TAC1: variants seen among roughly 807,000 people sequenced by gnomAD.
TAC1 encodes the protein tachykinin precursor 1.
A neutral mutation model predicts 21.7 loss-of-function variants in TAC1; 12 were observed. The observed-to-expected ratio is 0.55, with a 90% CI of 0.35 to 0.89. TAC1 has a LOEUF of 0.89. Among genes scored for constraint, TAC1 ranks in the 40% least tolerant of loss-of-function variants. The pLI, the probability that TAC1 is intolerant of heterozygous loss-of-function variation, is 0.01. For synonymous variants in TAC1, 52 were observed against 52.0 expected, an observed-to-expected ratio of 1.00 and a Z score of 0.00; for missense variants, 128 against 151.4, an observed-to-expected ratio of 0.85 and a Z score of 0.81.
At chr7:97,736,073 C>T (rs1002400025) in intron 5 of TAC1, among the ~76,000 whole-genome samples, 3 of 151,880 alleles carry the variant, frequency 2.0e-5, no homozygotes, top group Non-Finnish European at 2.9e-5. Context: ...ATAGAGAGTG[C>T]TTGCTAATAT....
At chr7:97,733,672 G>A in intron 2 of TAC1, 51 bp from the exon 3 acceptor site, 2 of 1,581,754 alleles carry the variant, frequency 1.3e-6, no homozygotes, top group Non-Finnish European at 1.7e-6. Flanking sequence ...GTTGCTGGGT[G>A]CCTCGCTCTG....
At chr7:97,735,531 C>T (rs1562784728) in intron 5 of TAC1, among the ~76,000 whole-genome samples, 1 of 152,084 alleles carries the variant, frequency 6.6e-6, no homozygotes, top group African/African-American at 2.4e-5. Flanking sequence ...TCGTATTGTC[C>T]ACTCACCTAT....
At chr7:97,738,568 C>T (rs1193218580) in intron 6 of TAC1, among the ~76,000 whole-genome samples, 1 of 152,000 alleles carries the variant, frequency 6.6e-6, no homozygotes, top group Non-Finnish European at 1.5e-5. Context: ...TTCCCTCACG[C>T]CTGTCCAGTG....
In TAC1 at chr7:97,732,951, C is replaced by T. The variant is rs1484153704; in HGVS notation, c.123+216C>T. 7 of 583,148 alleles carry T rather than the reference C, an allele frequency of 1.2e-5. No homozygotes were observed. Among genetic ancestry groups the T allele is most frequent in the South Asian group, 2.5e-5 (1 of 40,106 alleles). 36.1% of individuals were successfully genotyped at this position (583,148 alleles called of 1,614,324 possible). On this transcript the variant is annotated intron_variant, in intron 2 of 6. Coordinates refer to ENST00000319273, the MANE Select transcript of TAC1 (RefSeq NM_003182.3). This position sits in a 1 kb window ranked among gnomAD's most constrained non-coding sequence, Gnocchi z 6.2. Reference sequence around the variant, plus strand: ...GTTTCTTCCCGAGGGCTGCACCGTCCGGCCCAGGAACTCCCTGCAGTAGGG... The same window carrying T: ...GTTTCTTCCCGAGGGCTGCACCGTCTGGCCCAGGAACTCCCTGCAGTAGGG...
At chr7:97,733,150 AG>A in intron 2 of TAC1, 1 of 185,184 alleles carries the variant, frequency 5.4e-6, no homozygotes, top group African/African-American at 2.3e-5. Context: ...CGCGAGCTGC[AG>A]GGGGATTGGA....
At chr7:97,733,671 T>C in intron 2 of TAC1, 52 bp from the exon 3 acceptor site, 1 of 1,579,614 alleles carries the variant, frequency 6.3e-7, no homozygotes, top group Non-Finnish European at 8.7e-7. Flanking sequence ...GGTTGCTGGG[T>C]GCCTCGCTCT....
At chr7:97,735,313 G>A (rs1789555306) in intron 5 of TAC1, among the ~76,000 whole-genome samples, 1 of 152,190 alleles carries the variant, frequency 6.6e-6, no homozygotes, top group Non-Finnish European at 1.5e-5. Context: ...AATGGAATGA[G>A]TGAGTGAACA....
chr7:97,737,067 T>G (rs1321528552), intron 6 of TAC1, among the ~76,000 whole-genome samples: 1 of 152,016 alleles, frequency 6.6e-6, no homozygotes, highest in African/African-American at 2.4e-5. Context: ...TTCCATCTTC[T>G]TTGTAAATAC....
intron 6 of TAC1, among the ~76,000 whole-genome samples, chr7:97,736,597 A>G (rs1789579265): frequency 6.6e-6 from 1 of 152,086 alleles, no homozygotes; most frequent in African/African-American, 2.4e-5. Context: ...TTTAATCATT[A>G]CCAACCTGAA....
chr7:97,735,682 C>T (rs1789562080), intron 5 of TAC1, among the ~76,000 whole-genome samples: 1 of 106,548 alleles, frequency 9.4e-6, no homozygotes, highest in African/African-American at 4.4e-5. Context: ...AAGAGTTCAT[C>T]TTTGAAAAAT....
At chr7:97,739,616 T>C (rs1475387450) in intron 6 of TAC1, among the ~76,000 whole-genome samples, 1 of 151,940 alleles carries the variant, frequency 6.6e-6, no homozygotes, top group Non-Finnish European at 1.5e-5. Flanking sequence ...CTGCAATATA[T>C]TGTGGAAATA....
intron 6 of TAC1, 23 bp downstream of exon 6, chr7:97,736,375 A>G: frequency 6.3e-7 from 1 of 1,582,290 alleles, no homozygotes; most frequent in African/African-American, 1.4e-5. Context: ...TTATGACTGA[A>G]AATAGACAGT....
chr7:97,734,244 T>A lies in TAC1; in HGVS notation c.221-4T>A. 6.2e-7 allele frequency: 1 copy of A among 1,613,930 alleles called. No homozygotes were observed. On this transcript the variant is annotated splice_polypyrimidine_tract_variant and splice_region_variant and intron_variant, in intron 3 of 6. Coordinates refer to ENST00000319273, the MANE Select transcript of TAC1 (RefSeq NM_003182.3). The stretch of plus-strand genomic sequence containing the variant: ...GTAGTTAATGACAATTCGTCTCTTG[T>A]CAGATTCCTCAATTGAAAAACAAGT...
rs11554503 is a variant in TAC1 at position 97,732,122 on chromosome 7, C to G, written c.-83C>G. On this transcript the variant is annotated 5_prime_UTR_variant, in exon 1 of 7. Coordinates refer to ENST00000319273, the MANE Select transcript of TAC1 (RefSeq NM_003182.3). The surrounding 1 kb of genome is among the most constrained non-coding windows in gnomAD (Gnocchi z 6.2). ...GGACCTCCTTCCCGGCGGCAGCTACCGAGAGTGCGGAGCGACCAGCGTGCG... is the reference window on the plus strand; with the variant it reads ...GGACCTCCTTCCCGGCGGCAGCTACGGAGAGTGCGGAGCGACCAGCGTGCG... 6.5e-6 allele frequency: 1 copy of G among 152,866 alleles called. No homozygotes were observed. 9.5% of individuals were successfully genotyped at this position (152,866 alleles called of 1,614,324 possible).
At chr7:97,739,682 T>C (rs1438756445) in intron 6 of TAC1, among the ~76,000 whole-genome samples, 192 bp from the exon 7 acceptor site, 1 of 152,028 alleles carries the variant, frequency 6.6e-6, no homozygotes, top group Non-Finnish European at 1.5e-5. Flanking sequence ...GTTCTGTGGT[T>C]AGATCATTTC....
At position 97,732,774 on chromosome 7, in the gene TAC1, T is replaced by C. The variant is rs1254474558; in HGVS notation, c.123+39T>C. The stretch of plus-strand genomic sequence containing the variant: ...CCAGGACGGCCCGCACCCTTCTTCC[T>C]GGGCTCGGGAGCTGTCACCTTCCCA... On this transcript the variant is annotated intron_variant, in intron 2 of 6. Transcript: ENST00000319273. This position sits in a 1 kb window ranked among gnomAD's most constrained non-coding sequence, Gnocchi z 6.2. 7.5e-6 allele frequency: 12 copies of C among 1,596,972 alleles called. No individual in the cohort carries two copies. In the African/African-American group the frequency reaches 1.5e-4, roughly 20 times the overall value.
At chr7:97,733,659 C>T (rs533035697) in intron 2 of TAC1, 64 bp from the exon 3 acceptor site, 3 of 1,532,628 alleles carry the variant, frequency 2.0e-6, no homozygotes, top group African/African-American at 2.7e-5. Context: ...GGGAAGGGCT[C>T]GGGTTGCTGG....
chr7:97,738,958 C>T (rs188353649), intron 6 of TAC1, among the ~76,000 whole-genome samples: 33 of 138,532 alleles, frequency 2.4e-4, no homozygotes, highest in Non-Finnish European at 4.5e-4. Context: ...TGATTTTTAC[C>T]CCTTTGTGGT....
intron 6 of TAC1, among the ~76,000 whole-genome samples, chr7:97,737,348 G>C (rs1255520574): frequency 6.6e-6 from 1 of 151,448 alleles, no homozygotes; most frequent in Non-Finnish European, 1.5e-5. Flanking sequence ...TCTATAAGAT[G>C]TGCTGGCTTA....
Sources: gnomAD v4.1 joint callset for allele counts (sites outside exome capture counted in the v4.1 genomes callset) on GRCh38, gnomAD v4.1.1 for gene constraint, Gnocchi (gnomAD v3.1) non-coding constraint, MANE v1.5 for transcripts, NCBI Gene and HGNC (gene_info 2026-07-23, HGNC 2026-07-21) for gene names.